Variants in PDZRN4 observed in about 807,000 individuals in gnomAD.
The protein encoded by PDZRN4 is PDZ domain containing ring finger 4.
In PDZRN4, 70 loss-of-function variants were observed where a neutral mutation model predicts 99.0. The observed-to-expected ratio is 0.71, with a 90% CI of 0.58 to 0.86. The LOEUF (loss-of-function observed/expected upper bound fraction) is 0.86. Among genes scored for constraint, PDZRN4 ranks in the 40% least tolerant of loss-of-function variants. PDZRN4 has a pLI of 0.00. For missense variants in PDZRN4, 1,474 were observed against 1,331.2 expected (o/e 1.11, Z -1.67); for synonymous variants, 551 against 501.6 (o/e 1.10, Z -1.32).
chr12:41,308,784 G>C (rs1339211149), intron 3 of PDZRN4, among the ~76,000 whole-genome samples: 1 of 152,150 alleles, frequency 6.6e-6, no homozygotes, highest in Admixed American at 6.5e-5. Context: ...TTGAGGAAAA[G>C]AGTTTACCCA....
At chr12:41,249,982 T>A (rs1951157592) in intron 3 of PDZRN4, among the ~76,000 whole-genome samples, 1 of 152,210 alleles carries the variant, frequency 6.6e-6, no homozygotes, top group South Asian at 2.1e-4. Flanking sequence ...AGCATAGTCG[T>A]GAGATAGAAA....
chr12:41,516,940 A>G (rs377165497), intron 5 of PDZRN4, among the ~76,000 whole-genome samples: 2 of 152,044 alleles, frequency 1.3e-5, no homozygotes, highest in South Asian at 2.1e-4. Context: ...ATTAAATTGC[A>G]TGATTTCCCT....
At chr12:41,313,735 G>C (rs781597621) in intron 3 of PDZRN4, among the ~76,000 whole-genome samples, 12 of 152,188 alleles carry the variant, frequency 7.9e-5, no homozygotes, top group Non-Finnish European at 1.5e-4. Context: ...AATAGACCAG[G>C]TACAAGTCAG....
At chr12:41,294,276 A>G (rs1490772656) in intron 3 of PDZRN4, among the ~76,000 whole-genome samples, 1 of 152,196 alleles carries the variant, frequency 6.6e-6, no homozygotes, top group Admixed American at 6.6e-5. Context: ...GTCACTTGCC[A>G]TCTCACAGGC....
rs745932193 is a variant in PDZRN4, at chr12:41,573,317, C to T, written c.2538C>T (p.His846=). The change falls in exon 10 of 10, where the codon CAC becomes CAT. Residue 846 remains histidine (H), a synonymous_variant. Transcript: ENST00000402685. ...ATAGATATGCAAACATCCCAGCACA[C>T]GCCCGGCATTATCAAAGCTACATGC... ...SSYRYANIPA[H]ARHYQSYMQL... The T allele has an allele frequency of 1.2e-6, 2 of 1,613,246 alleles. No homozygotes were observed. Among genetic ancestry groups the T allele is most frequent in the South Asian group, 1.1e-5 (1 of 91,084 alleles).
At chr12:41,473,365 C>A (rs1022924610) in intron 3 of PDZRN4, 1 of 152,076 alleles carries the variant, frequency 6.6e-6, no homozygotes. Context: ...CCATACATAC[C>A]TGTAAATTTA....
At chr12:41,314,699 C>T (rs989321527) in intron 3 of PDZRN4, among the ~76,000 whole-genome samples, 42 of 152,112 alleles carry the variant, frequency 2.8e-4, no homozygotes, top group African/African-American at 9.4e-4. Context: ...AAGGTCTTGT[C>T]GTTTGGGTTT....
rs574457969 is a variant in PDZRN4 at position 41,393,388 on chromosome 12, C to G, written c.844-113068C>G. On this transcript the variant is annotated intron_variant, in intron 3 of 9. Coordinates refer to ENST00000402685, the MANE Select transcript of PDZRN4 (RefSeq NM_001164595.2). ...TGCTGTGCAACCCAATTAGTTGTAGCAAGTACATATTTAAAAAACTGAATG... is the reference window on the plus strand; with the variant it reads ...TGCTGTGCAACCCAATTAGTTGTAGGAAGTACATATTTAAAAAACTGAATG... Among the ~76,000 whole-genome samples the G allele has an allele frequency of 4.6e-5, 7 of 152,064 alleles. No individual in the cohort carries two copies. In the East Asian group the frequency reaches 1.4e-3, roughly 29 times the overall value.
At chr12:41,353,905 G>A (rs549075630) in intron 3 of PDZRN4, among the ~76,000 whole-genome samples, 1 of 152,176 alleles carries the variant, frequency 6.6e-6, no homozygotes, top group Non-Finnish European at 1.5e-5. Flanking sequence ...TAAGGAGTTT[G>A]AACTTCAATT....
intron 3 of PDZRN4, among the ~76,000 whole-genome samples, chr12:41,315,158 C>T (rs1269550950): frequency 1.3e-5 from 2 of 152,120 alleles, no homozygotes; most frequent in Non-Finnish European, 2.9e-5. Context: ...GAAGCCAAAC[C>T]TACAGGAAAC....
rs1333748080 is a variant in PDZRN4, at chr12:41,481,082, G to A, written c.844-25374G>A. On this transcript the variant is annotated intron_variant, in intron 3 of 9. Transcript: ENST00000402685. ...GTGTGGTGTAAGGATTTCTCCAAAT[G>A]CATGAACCCCAAACTATATCTATCT... 4.0e-5 allele frequency among the ~76,000 whole-genome samples: 6 copies of A among 151,844 alleles called. No homozygotes were observed. In the East Asian group the frequency reaches 1.2e-3, roughly 29 times the overall value.
intron 3 of PDZRN4, among the ~76,000 whole-genome samples, chr12:41,231,753 A>T (rs1951030882): frequency 6.6e-6 from 1 of 152,050 alleles, no homozygotes; most frequent in South Asian, 2.1e-4. Context: ...CTGAACTGTG[A>T]TTTCCTTATT....
chr12:41,476,521 A>G (rs932083295), intron 3 of PDZRN4, among the ~76,000 whole-genome samples: 4 of 152,132 alleles, frequency 2.6e-5, no homozygotes, highest in African/African-American at 9.7e-5. Context: ...CTTAGCCCTC[A>G]TCTAATGTTT....
chr12:41,563,703 C>G, intron 8 of PDZRN4, 54 bp downstream of exon 8: 1 of 1,125,444 alleles, frequency 8.9e-7, no homozygotes, highest in Non-Finnish European at 1.3e-6. Flanking sequence ...ATTGAATTCA[C>G]TGAATGTAAA....
chr12:41,336,634 T>C (rs1388746095), intron 3 of PDZRN4, among the ~76,000 whole-genome samples: 2 of 151,942 alleles, frequency 1.3e-5, no homozygotes, highest in East Asian at 3.9e-4. Context: ...TCACGCAGAG[T>C]GGGCTGTGTG....
intron 3 of PDZRN4, among the ~76,000 whole-genome samples, chr12:41,203,062 G>A (rs1950827794): frequency 6.6e-6 from 1 of 151,742 alleles, no homozygotes; most frequent in African/African-American, 2.4e-5. Flanking sequence ...TTTTCACAGT[G>A]AAATTTGCTA....
In PDZRN4 at chr12:41,363,253, C is replaced by A. The variant is rs192043005; in HGVS notation, c.844-143203C>A. Among the ~76,000 whole-genome samples, 474 of 152,146 alleles carry A rather than the reference C, an allele frequency of 3.1e-3. 5 individuals are homozygous for A. The highest frequency in any genetic ancestry group is 0.011 in the African/African-American group (451 of 41,536). ...AAGCAGCTTTTTGTTTTTATTACCC[C>A]CTCATGACTGAAGCAGAGGAGCTGG... is the stretch of plus-strand genomic sequence containing the variant. On this transcript the variant is annotated intron_variant, in intron 3 of 9. Coordinates refer to ENST00000402685, the MANE Select transcript of PDZRN4 (RefSeq NM_001164595.2).
At chr12:41,248,473 A>G (rs1044514709) in intron 3 of PDZRN4, among the ~76,000 whole-genome samples, 29 of 152,040 alleles carry the variant, frequency 1.9e-4, no homozygotes, top group Admixed American at 5.9e-4. Context: ...TTAGAATTCA[A>G]TGACTAAATC....
chr12:41,188,931 G>A lies in PDZRN4; in HGVS notation c.476G>A (p.Gly159Glu). Residue 159 changes from glycine (G) to glutamate (E), a missense_variant, in exon 1 of 10, where the codon GGA (glycine) becomes GAA (glutamate). By Grantham distance (98) the Gly-to-Glu change is moderately conservative. Transcript: ENST00000402685. The part of the protein sequence containing the change: ...PPGGRWGRGR[G>E]PGPRVLAWRR... ...GGCGGCCGCTGGGGCCGCGGGCGGG[G>A]ACCCGGGCCTCGGGTCCTCGCCTGG... is the stretch of plus-strand genomic sequence containing the variant. 1 of 1,230,232 alleles carries A rather than the reference G, an allele frequency of 8.1e-7. No homozygotes were observed. The allele number at this position is 1,230,232 out of a possible 1,614,324, so 76.2% of individuals were successfully genotyped here.
Sources: allele counts gnomAD v4.1 joint callset (sites outside exome capture counted in the v4.1 genomes callset), GRCh38; gene constraint gnomAD v4.1.1; transcripts MANE v1.5; gene names NCBI Gene and HGNC (gene_info 2026-07-23, HGNC 2026-07-21).